CACNA1S: variants seen among roughly 807,000 people sequenced by gnomAD.
CACNA1S encodes calcium voltage-gated channel subunit alpha1 S, also known as voltage-dependent L-type calcium channel subunit alpha-1S.
Under a neutral mutation model 207.4 loss-of-function variants are expected in CACNA1S, and 126 were observed. The observed-to-expected ratio is 0.61, with a 90% CI of 0.53 to 0.70. CACNA1S has a LOEUF of 0.70. CACNA1S is among the 30% of genes least tolerant of loss of function. The pLI is 0.00. For missense variants in CACNA1S, 2,349 were observed against 2,422.8 expected, an observed-to-expected ratio of 0.97 and a Z score of 0.64; for synonymous variants, 960 against 932.7, an observed-to-expected ratio of 1.03 and a Z score of -0.53.
Position 201,085,443 on chromosome 1 carries a change from G to A in CACNA1S, c.1143C>T (p.Phe381=), listed in dbSNP as rs144883479. 2.8e-4 allele frequency: 444 copies of A among 1,613,750 alleles called. No individual in the cohort carries two copies. In the East Asian group the frequency reaches 4.3e-3, roughly 16 times the overall value. ...CAGCCTTTGGGCCCAAACCTTCTCT[G>A]AAGTCCTCAACATCCATGACCTCGC... ...TQGEVMDVED[F]REGKLSLDEG... is the part of the protein sequence containing the mutation. The change falls in exon 8 of 44, where the codon TTC becomes TTT. Residue 381 remains phenylalanine, a synonymous_variant. Coordinates refer to ENST00000362061, the MANE Select transcript of CACNA1S (RefSeq NM_000069.3).
chr1:201,053,256 G>C lies in CACNA1S; in HGVS notation c.3814C>G (p.Leu1272Val), dbSNP rs1272157841. The C allele has an allele frequency of 6.2e-7, 1 of 1,614,228 alleles. No homozygotes were observed. Among genetic ancestry groups the C allele is most frequent in the South Asian group, 1.1e-5 (1 of 91,092 alleles). The change falls in exon 31 of 44, where the codon CTG becomes GTG. Residue 1272 changes from leucine to valine, a missense_variant. Transcript: ENST00000362061. This position sits in a 1 kb window ranked among gnomAD's most constrained non-coding sequence, Gnocchi z 5.1. The stretch of plus-strand genomic sequence containing the variant: ...ATGAAGAAGAGCATGACGATGAGCA[G>C]AGCCACGTAGGGTAGGGCCTGCAGG... ...KSFQALPYVA[L>V]LIVMLFFIYA...
intron 5 of CACNA1S, among the ~76,000 whole-genome samples, chr1:201,091,398 A>AG (rs138165996): frequency 3.3e-5 from 5 of 152,072 alleles, no homozygotes; most frequent in Admixed American, 6.5e-5. Context: ...TATGTGGGGC[A>AG]GGGGGGTGAC....
chr1:201,071,968 G>C (rs1661448400), intron 16 of CACNA1S, among the ~76,000 whole-genome samples: 2 of 152,188 alleles, frequency 1.3e-5, no homozygotes, highest in South Asian at 4.1e-4. Context: ...AGTCACTGGG[G>C]CAAACAGATG....
intron 18 of CACNA1S, 108 bp from the exon 19 acceptor site, chr1:201,069,304 C>A (rs777169899): frequency 2.8e-6 from 4 of 1,423,328 alleles, no homozygotes; most frequent in South Asian, 1.2e-5. Flanking sequence ...TGTGCCCCAG[C>A]CTGTGCCGTT....
In CACNA1S at chr1:201,111,299, G is replaced by A. The variant is rs1572079505; in HGVS notation, c.152+889C>T. On this transcript the variant is annotated intron_variant, in intron 1 of 43. Coordinates refer to ENST00000362061, the MANE Select transcript of CACNA1S (RefSeq NM_000069.3). The stretch of plus-strand genomic sequence containing the variant: ...CCTTCCTTCTAGGGAACAGCTGGTA[G>A]GAGCCCAGCCTTCCAGAACTCTTCA... Among the ~76,000 whole-genome samples the A allele has an allele frequency of 2.0e-5, 3 of 152,226 alleles. No homozygotes were observed. The East Asian group carries it at 5.8e-4, about 29-fold the overall frequency.
Position 201,070,289 on chromosome 1 carries a change from G to A in CACNA1S, c.2343C>T (p.Ile781=). The change falls in exon 17 of 44, where the codon ATC becomes ATT. Residue 781 remains isoleucine (I), a synonymous_variant. Transcript: ENST00000362061. ...VPIPEASSFF[I]FSPTNKIRVL... is the part of the protein sequence containing the mutation. Reference sequence around the variant, plus strand: ...GCACCCACTTATTGGTGGGGCTGAAGATGAAGAAGGAGCTGGCTTCTGGAA... The same window carrying A: ...GCACCCACTTATTGGTGGGGCTGAAAATGAAGAAGGAGCTGGCTTCTGGAA... 1 of 1,614,062 alleles carries A rather than the reference G, an allele frequency of 6.2e-7. No homozygotes were observed.
intron 35 of CACNA1S, 145 bp from the exon 36 acceptor site, chr1:201,048,829 C>T (rs1392638902): frequency 7.1e-6 from 6 of 841,682 alleles, no homozygotes; most frequent in Middle Eastern, 3.1e-4. Context: ...TGTGAGGGGA[C>T]AGAATGATGA....
At position 201,056,517 on chromosome 1, in the gene CACNA1S, T is replaced by TC. The variant is rs369668373; in HGVS notation, c.3609+1890dup. ...GGTGAGCCCCTAGCTTTGGGACCAG[T>TC]CCCCTGCTGGGATCCCTCGTGGTCA... On this transcript the variant is annotated intron_variant, in intron 28 of 43. Coordinates refer to ENST00000362061, the MANE Select transcript of CACNA1S (RefSeq NM_000069.3). 2.9e-3 allele frequency among the ~76,000 whole-genome samples: 439 copies of TC among 152,312 alleles called. 4 individuals carry two copies. Among genetic ancestry groups the TC allele is most frequent in the African/African-American group, 0.01 (425 of 41,552 alleles).
Position 201,053,647 on chromosome 1 carries a change from A to C in CACNA1S, c.3667-60T>G. On this transcript the variant is annotated intron_variant, in intron 29 of 43. Transcript: ENST00000362061. The surrounding 1 kb of genome is among the most constrained non-coding windows in gnomAD (Gnocchi z 5.1). ...GCAGAACCTCAGAGGGGTAAGGGGC[A>C]GGGCGGGGAGGGAGGTGCACTGTGT... 6.5e-5 allele frequency: 47 copies of C among 722,786 alleles called. No homozygotes were observed. Among genetic ancestry groups the C allele is most frequent in the Non-Finnish European group, 9.9e-5 (42 of 424,848 alleles). The allele number at this position is 722,786 out of a possible 1,614,324, so 44.8% of individuals were successfully genotyped here. A position where few individuals can be genotyped will look rare whatever the true frequency, so the allele number is the denominator to read the frequency against.
intron 14 of CACNA1S, 133 bp from the exon 15 acceptor site, chr1:201,073,775 A>C: frequency 2.5e-6 from 2 of 805,110 alleles, no homozygotes; most frequent in Non-Finnish European, 4.4e-6. Context: ...TCAGCCCCCA[A>C]ATGGGAAGGG....
Position 201,060,732 on chromosome 1 carries a change from T to G in CACNA1S, c.3340A>C (p.Ile1114Leu). 1 of 1,614,204 alleles carries G rather than the reference T, an allele frequency of 6.2e-7. No individual in the cohort carries two copies. Among genetic ancestry groups the G allele is most frequent in the Non-Finnish European group, 8.5e-7 (1 of 1,180,026 alleles). Residue 1114 changes from isoleucine (I) to leucine (L), a missense_variant, in exon 26 of 44, where the codon ATT (isoleucine) becomes CTT (leucine). Ile to Leu is a conservative substitution (Grantham distance 5). Transcript: ENST00000362061. The part of the protein sequence containing the change: ...KNPYQYQVWY[I>L]VTSSYFEYLM... ...TATTCAAAGTAGGAGGAGGTGACAA[T>G]GTACCACACCTGGTACTGGTATGGG...
intron 13 of CACNA1S, 152 bp from the exon 14 acceptor site, chr1:201,074,772 C>G (rs750127825): frequency 4.2e-6 from 3 of 706,122 alleles, no homozygotes; most frequent in Non-Finnish European, 5.2e-6. Flanking sequence ...GTGGAAGGCC[C>G]TCAGGGAAGC....
chr1:201,075,321 C>T (rs564182027), intron 13 of CACNA1S, among the ~76,000 whole-genome samples, 174 bp downstream of exon 13: 1 of 152,314 alleles, frequency 6.6e-6, no homozygotes, highest in Non-Finnish European at 1.5e-5. Flanking sequence ...AAGAATTATC[C>T]TACAGCTGTA....
chr1:201,082,733 C>A (rs1661880451), intron 10 of CACNA1S, among the ~76,000 whole-genome samples: 1 of 152,258 alleles, frequency 6.6e-6, no homozygotes, highest in Non-Finnish European at 1.5e-5. Context: ...TTTTCCTGTG[C>A]CTTACATGTA....
intron 3 of CACNA1S, 75 bp from the exon 4 acceptor site, chr1:201,092,189 T>A (rs898266828): frequency 2.3e-5 from 36 of 1,566,926 alleles, no homozygotes; most frequent in Admixed American, 1.3e-4. Context: ...AGGCCCTGTG[T>A]CCTGTCCATG....
At chr1:201,049,523 A>C (rs1219077157) in intron 34 of CACNA1S, among the ~76,000 whole-genome samples, 1 of 152,186 alleles carries the variant, frequency 6.6e-6, no homozygotes, top group Admixed American at 6.5e-5. Context: ...TTTCATTGGC[A>C]CCGTGACTCC....
chr1:201,105,843 C>T (rs968771638), intron 2 of CACNA1S, among the ~76,000 whole-genome samples: 1 of 152,180 alleles, frequency 6.6e-6, no homozygotes, highest in Non-Finnish European at 1.5e-5. Flanking sequence ...AGCCTATTCC[C>T]ACAGACAGCA....
intron 40 of CACNA1S, 81 bp from the exon 41 acceptor site, chr1:201,041,670 CT>C (rs1660219145): frequency 9.3e-7 from 1 of 1,080,590 alleles, no homozygotes; most frequent in Non-Finnish European, 1.4e-6. Flanking sequence ...CCCAAACATC[CT>C]TTTCCCTCAG....
chr1:201,092,554 T>C (rs1662276961), intron 3 of CACNA1S, among the ~76,000 whole-genome samples: 1 of 152,234 alleles, frequency 6.6e-6, no homozygotes, highest in Non-Finnish European at 1.5e-5. Flanking sequence ...TTTATTTTCT[T>C]TCCTACTGGC....
Sources: allele counts gnomAD v4.1 joint callset (sites outside exome capture counted in the v4.1 genomes callset), GRCh38; gene constraint gnomAD v4.1.1; non-coding constraint Gnocchi (gnomAD v3.1); transcripts MANE v1.5; gene names NCBI Gene and HGNC (gene_info 2026-07-23, HGNC 2026-07-21).